TENM4: variants seen among roughly 807,000 people sequenced by gnomAD.
TENM4 encodes teneurin-4.
TENM4 carries 82 observed loss-of-function variants against 243.3 expected under a neutral mutation model. That is an observed-to-expected ratio of 0.34 (90% CI 0.28 to 0.40). The LOEUF is 0.40. Among genes scored for constraint, TENM4 ranks in the 10% least tolerant of loss-of-function variants. TENM4 has a pLI of 1.00. For missense variants in TENM4, 3,138 were observed against 3,673.3 expected (o/e 0.85, Z 3.77); for synonymous variants, 1,412 against 1,456.3 (o/e 0.97, Z 0.69).
intron 26 of TENM4, among the ~76,000 whole-genome samples, chr11:78,708,969 C>T (rs12789577): frequency 0.13 from 14,360 of 112,862 alleles, 1,675 homozygotes; most frequent in African/African-American, 0.3. Context: ...CTTTTTCTTT[C>T]TTTTTTTTTT....
chr11:79,406,521 A>G (rs1858576901), intron 1 of TENM4, among the ~76,000 whole-genome samples: 1 of 152,218 alleles, frequency 6.6e-6, no homozygotes, highest in African/African-American at 2.4e-5. Context: ...AATCAGAAAG[A>G]TTAAAGAGGA....
intron 1 of TENM4, among the ~76,000 whole-genome samples, chr11:79,368,057 G>T (rs1383909265): frequency 6.6e-6 from 1 of 152,134 alleles, no homozygotes; most frequent in African/African-American, 2.4e-5. Context: ...ATGTGAGTTC[G>T]CTGCGGCCCT....
chr11:79,285,694 A>G (rs373914604), intron 2 of TENM4, among the ~76,000 whole-genome samples: 2 of 152,086 alleles, frequency 1.3e-5, no homozygotes, highest in South Asian at 2.1e-4. Context: ...TATCAAGAAT[A>G]AAGTATTGAT....
chr11:78,753,318 A>G (rs1856232656), intron 19 of TENM4, among the ~76,000 whole-genome samples: 1 of 152,238 alleles, frequency 6.6e-6, no homozygotes, highest in African/African-American at 2.4e-5. Context: ...AGCCACCTAC[A>G]CAAAGGTTAA....
intron 1 of TENM4, among the ~76,000 whole-genome samples, chr11:79,405,179 T>C (rs969618430): frequency 2.3e-5 from 3 of 132,958 alleles, no homozygotes; most frequent in Non-Finnish European, 3.4e-5. Flanking sequence ...AATAACATTA[T>C]TATTATTATT....
intron 2 of TENM4, among the ~76,000 whole-genome samples, chr11:79,221,698 G>A (rs1864158232): frequency 6.6e-6 from 1 of 152,132 alleles, no homozygotes; most frequent in African/African-American, 2.4e-5. Flanking sequence ...GTAATGGAAT[G>A]TTTCTCGGTG....
Position 78,658,011 on chromosome 11 carries a change from C to T in TENM4, c.*47G>A. 6.2e-7 allele frequency: 1 copy of T among 1,613,802 alleles called. No individual in the cohort carries two copies. The highest frequency in any genetic ancestry group is 1.1e-5 in the South Asian group (1 of 91,048). On this transcript the variant is annotated 3_prime_UTR_variant, in exon 34 of 34. Transcript: ENST00000278550. ...AAGTACAACACAGTCAGGTATGCGG[C>T]CACAAAAGAGTAGCTGTCTTTGGCA...
intron 1 of TENM4, among the ~76,000 whole-genome samples, chr11:79,323,888 C>T (rs943911448): frequency 6.6e-6 from 1 of 151,960 alleles, no homozygotes; most frequent in Non-Finnish European, 1.5e-5. Context: ...CCTATACACA[C>T]ACACACACAC....
intron 2 of TENM4, among the ~76,000 whole-genome samples, chr11:79,254,778 TAC>T (rs1565270622): frequency 6.6e-6 from 1 of 152,148 alleles, no homozygotes; most frequent in Non-Finnish European, 1.5e-5. Context: ...GCAGCTGGTG[TAC>T]AGGAAAGGAT....
At chr11:79,304,587 C>G (rs192070846) in intron 1 of TENM4, among the ~76,000 whole-genome samples, 4 of 152,186 alleles carry the variant, frequency 2.6e-5, no homozygotes, top group Non-Finnish European at 5.9e-5. Flanking sequence ...CTCCCTCCCT[C>G]TTGTTTAGGT....
intron 2 of TENM4, among the ~76,000 whole-genome samples, chr11:79,267,881 T>A (rs1461553034): frequency 6.6e-6 from 1 of 152,250 alleles, no homozygotes. Context: ...GACACCTGTA[T>A]CACCTATAAA....
intron 3 of TENM4, among the ~76,000 whole-genome samples, chr11:79,196,912 G>A (rs951345654): frequency 6.6e-6 from 1 of 152,148 alleles, no homozygotes; most frequent in East Asian, 1.9e-4. Context: ...TCAGCATGAG[G>A]AGGAAACAAG....
chr11:79,315,836 A>G (rs1856794031), intron 1 of TENM4, among the ~76,000 whole-genome samples: 1 of 152,266 alleles, frequency 6.6e-6, no homozygotes, highest in African/African-American at 2.4e-5. Flanking sequence ...AATGAAATGC[A>G]ACGGAAAAGA....
intron 6 of TENM4, among the ~76,000 whole-genome samples, chr11:78,977,525 C>A (rs993290250): frequency 2.0e-5 from 3 of 152,218 alleles, no homozygotes; most frequent in African/African-American, 7.2e-5. Flanking sequence ...CTCCAGAGCC[C>A]ATTTTCTGTC....
chr11:78,976,409 A>C (rs1009834461), intron 6 of TENM4, among the ~76,000 whole-genome samples: 7 of 152,112 alleles, frequency 4.6e-5, no homozygotes, highest in Admixed American at 3.9e-4. Flanking sequence ...TTTCAATAAA[A>C]AGTTTAAAAA....
chr11:79,378,087 T>C (rs1398551884), intron 1 of TENM4, among the ~76,000 whole-genome samples: 1 of 152,232 alleles, frequency 6.6e-6, no homozygotes, highest in African/African-American at 2.4e-5. Flanking sequence ...CTAAAATTTT[T>C]ATTTTAAAAA....
chr11:78,896,057 C>T (rs1855786727), intron 7 of TENM4, among the ~76,000 whole-genome samples: 1 of 152,154 alleles, frequency 6.6e-6, no homozygotes, highest in African/African-American at 2.4e-5. Context: ...CTCTCAAGGG[C>T]AGAGCAAAGG....
chr11:79,130,835 A>T (rs1341322960), intron 4 of TENM4, among the ~76,000 whole-genome samples: 1 of 152,140 alleles, frequency 6.6e-6, no homozygotes, highest in East Asian at 1.9e-4. Context: ...AAAAGAAAAA[A>T]CAATCAAATT....
At chr11:79,235,229 C>T (rs891400456) in intron 2 of TENM4, among the ~76,000 whole-genome samples, 5 of 152,166 alleles carry the variant, frequency 3.3e-5, no homozygotes, top group African/African-American at 1.2e-4. Flanking sequence ...AGGAGAATCG[C>T]TTGAACCTGG....
Sources: allele counts gnomAD v4.1 joint callset (sites outside exome capture counted in the v4.1 genomes callset), GRCh38; gene constraint gnomAD v4.1.1; transcripts MANE v1.5; gene names NCBI Gene and HGNC (gene_info 2026-07-23, HGNC 2026-07-21).